The following MEGF11 variants were observed in gnomAD, a reference collection of about 807,000 sequenced individuals.
MEGF11 encodes multiple EGF like domains 11, also known as multiple epidermal growth factor-like domains protein 11.
MEGF11 carries 126 observed loss-of-function variants against 146.6 expected under a neutral mutation model. That is an observed-to-expected ratio of 0.86 (90% CI 0.74 to 1.00). MEGF11 has a LOEUF of 1.00. MEGF11 is among the 50% of genes least tolerant of loss of function. MEGF11 has a pLI of 0.00. For missense variants in MEGF11, 1,509 were observed against 1,521.2 expected, an observed-to-expected ratio of 0.99 and a Z score of 0.13; for synonymous variants, 532 against 583.4, an observed-to-expected ratio of 0.91 and a Z score of 1.27.
Position 65,922,439 on chromosome 15 carries a change from G to A in MEGF11, c.1856C>T (p.Ala619Val). The A allele has an allele frequency of 6.3e-7, 1 of 1,583,240 alleles. No individual in the cohort carries two copies. The highest frequency in any genetic ancestry group is 8.6e-7 in the Non-Finnish European group (1 of 1,165,556). Residue 619 changes from alanine (A) to valine (V), a missense_variant, in exon 15 of 26, where the codon GCC (alanine) becomes GTC (valine). Ala to Val is a moderately conservative substitution (Grantham distance 64). Coordinates refer to ENST00000395614, the MANE Select transcript of MEGF11 (RefSeq NM_001385028.1). Reference protein sequence around the residue: ...CPPGFYGHGCAQPCPLCVHSS... With the variant: ...CPPGFYGHGCVQPCPLCVHSS... ...GTGCACGCAGAGGGGGCATGGCTGG[G>A]CGCAGCCGTGGCCATAGAACCCAGG... is the stretch of plus-strand genomic sequence containing the variant.
chr15:65,914,902 C>T (rs1469127250), intron 19 of MEGF11, among the ~76,000 whole-genome samples: 1 of 152,190 alleles, frequency 6.6e-6, no homozygotes, highest in African/African-American at 2.4e-5. Context: ...ATGGGCCAGG[C>T]ACCCCGCTGA....
chr15:65,955,757 A>ATT (rs1197755725), intron 10 of MEGF11, among the ~76,000 whole-genome samples: 522 of 13,598 alleles, frequency 0.038, 29 homozygotes, highest in Admixed American at 0.079. Context: ...AAAAAAAAAA[A>ATT]AAAAATATAT....
intron 5 of MEGF11, among the ~76,000 whole-genome samples, chr15:66,025,807 C>T (rs2083310510): frequency 6.6e-6 from 1 of 152,196 alleles, no homozygotes; most frequent in Non-Finnish European, 1.5e-5. Context: ...CCAGGACCTG[C>T]TTCCCAAGCT....
At chr15:66,235,164 A>G (rs2092061777) in intron 1 of MEGF11, among the ~76,000 whole-genome samples, 1 of 152,184 alleles carries the variant, frequency 6.6e-6, no homozygotes, top group Admixed American at 6.5e-5. Flanking sequence ...GGTGCAGAGA[A>G]TCAAGTTAGG....
intron 19 of MEGF11, 61 bp from the exon 20 acceptor site, chr15:65,914,034 G>A (rs1376399655): frequency 2.9e-6 from 4 of 1,392,380 alleles, no homozygotes; most frequent in African/African-American, 1.4e-5. Context: ...GGTCTCCTGG[G>A]CCTGGGTTCA....
intron 5 of MEGF11, among the ~76,000 whole-genome samples, chr15:65,996,586 A>G (rs1466960388): frequency 6.6e-6 from 1 of 151,906 alleles, no homozygotes; most frequent in African/African-American, 2.4e-5. Flanking sequence ...CCCGGGTTCA[A>G]GTGATTCTCC....
At chr15:66,246,773 T>TG (rs1440558272) in intron 1 of MEGF11, among the ~76,000 whole-genome samples, 6 of 152,288 alleles carry the variant, frequency 3.9e-5, no homozygotes, top group Admixed American at 3.3e-4. Context: ...ATTGCACCAC[T>TG]GCACTCCAGC....
At chr15:65,980,630 C>T in intron 7 of MEGF11, 148 bp downstream of exon 7, 1 of 1,142,934 alleles carries the variant, frequency 8.7e-7, no homozygotes, top group Non-Finnish European at 1.2e-6. Flanking sequence ...AACTCCTGAC[C>T]TCAAGTGATC....
At chr15:66,019,676 G>C (rs2083033831) in intron 5 of MEGF11, among the ~76,000 whole-genome samples, 1 of 152,210 alleles carries the variant, frequency 6.6e-6, no homozygotes, top group South Asian at 2.1e-4. Context: ...TGGAGAATTG[G>C]GTTGGAATAC....
chr15:66,141,269 TGTGTGTGTGTGTGTGTGTGTGAGA>T lies in MEGF11; in HGVS notation c.-8-12882_-8-12859del, dbSNP rs1339316988. ...GTGTGTGTGTGTGTGTGTGTGTGTG[TGTGTGTGTGTGTGTGTGTGTGAGA>T]GAGAGAGAGAGAGAGACAGGGATAG... is the stretch of plus-strand genomic sequence containing the variant. On this transcript the variant is annotated intron_variant, in intron 1 of 25. Coordinates refer to ENST00000395614, the MANE Select transcript of MEGF11 (RefSeq NM_001385028.1). Among the ~76,000 whole-genome samples, 444 of 143,110 alleles carry T rather than the reference TGTGTGTGTGTGTGTGTGTGTGAGA, an allele frequency of 3.1e-3. 4 individuals are homozygous for T. Among genetic ancestry groups the T allele is most frequent in the African/African-American group, 0.01 (409 of 39,144 alleles). 93.9% of individuals were successfully genotyped at this position (143,110 alleles called of 152,430 possible). A position where few individuals can be genotyped will look rare whatever the true frequency, so the allele number is the denominator to read the frequency against.
rs376291852 is a variant in MEGF11 at position 66,123,659 on chromosome 15, C to T, written c.200+240G>A. On this transcript the variant is annotated intron_variant, in intron 3 of 25. Transcript: ENST00000395614. ...AGTTGGGGTAGTTATCCACCACCTC[C>T]CCATCTCCCCATCCCTGGTTGAGGG... Among the ~76,000 whole-genome samples the T allele has an allele frequency of 2.6e-5, 4 of 152,268 alleles. No homozygotes were observed. The South Asian group carries it at 8.3e-4, about 32-fold the overall frequency.
chr15:65,930,942 C>A lies in MEGF11; in HGVS notation c.1289G>T (p.Gly430Val). The A allele has an allele frequency of 6.3e-7, 1 of 1,579,522 alleles. No individual in the cohort carries two copies. The highest frequency in any genetic ancestry group is 8.6e-7 in the Non-Finnish European group (1 of 1,157,880). Residue 430 changes from glycine to valine, a missense_variant and splice_region_variant, in exon 11 of 26, where the codon GGA becomes GTA. Physicochemically the swap from Gly to Val is moderately radical, Grantham distance 109 (BLOSUM62 -3). Coordinates refer to ENST00000395614, the MANE Select transcript of MEGF11 (RefSeq NM_001385028.1). ...TGCACAGGAAACGGCACAGACCTCT[C>A]CCTGGAAAGGGAGGGGGTGAATTTT... ...GGCTCAPGFM[G>V]EVCAVSCAAG...
At chr15:66,059,127 C>T (rs1324090875) in intron 5 of MEGF11, among the ~76,000 whole-genome samples, 1 of 152,186 alleles carries the variant, frequency 6.6e-6, no homozygotes, top group Non-Finnish European at 1.5e-5. Context: ...GATTTGGCTC[C>T]ATTTAGAAAC....
At chr15:66,185,910 G>A (rs2090685411) in intron 1 of MEGF11, among the ~76,000 whole-genome samples, 1 of 152,236 alleles carries the variant, frequency 6.6e-6, no homozygotes. Context: ...AGGGTCTGGA[G>A]CTCCAAGCTG....
chr15:66,064,080 A>G (rs1354470300), intron 5 of MEGF11, among the ~76,000 whole-genome samples: 1 of 152,182 alleles, frequency 6.6e-6, no homozygotes, highest in East Asian at 1.9e-4. Flanking sequence ...GCAACAAAAC[A>G]AAATACTGGC....
At chr15:65,928,669 C>T (rs1300868501) in intron 12 of MEGF11, 142 bp from the exon 13 acceptor site, 9 of 505,732 alleles carry the variant, frequency 1.8e-5, no homozygotes, top group Non-Finnish European at 2.8e-5. Flanking sequence ...TGAGCCAGAA[C>T]CCCACAGAGA....
intron 5 of MEGF11, among the ~76,000 whole-genome samples, chr15:66,017,838 G>GCAGCCTGTA (rs1380507225): frequency 1.3e-5 from 2 of 152,212 alleles, no homozygotes; most frequent in Non-Finnish European, 2.9e-5. Flanking sequence ...GATTTGTCAG[G>GCAGCCTGTA]CAGCCTGTAG....
intron 5 of MEGF11, among the ~76,000 whole-genome samples, chr15:66,082,381 A>C (rs1040727585): frequency 8.1e-6 from 1 of 124,070 alleles, no homozygotes; most frequent in Non-Finnish European, 1.6e-5. Flanking sequence ...CGAGGTGAGG[A>C]GTTTGAGACC....
At position 65,895,374 on chromosome 15, in the gene MEGF11, A is replaced by AT. The variant is rs1440151498; in HGVS notation, c.*2559dup. 1.3e-5 allele frequency: 2 copies of AT among 152,646 alleles called. No homozygotes were observed. The highest frequency in any genetic ancestry group is 2.9e-5 in the Non-Finnish European group (2 of 68,026). The allele number at this position is 152,646 out of a possible 1,614,324, so 9.5% of individuals were successfully genotyped here. On this transcript the variant is annotated 3_prime_UTR_variant, in exon 26 of 26. Coordinates refer to ENST00000395614, the MANE Select transcript of MEGF11 (RefSeq NM_001385028.1). ...AGTGAACATATATTACAAATCTGTG[A>AT]TTTAAAAAAGTATTGCCGTTTCATA...
Sources: gnomAD v4.1 joint callset for allele counts (sites outside exome capture counted in the v4.1 genomes callset) on GRCh38, gnomAD v4.1.1 for gene constraint, MANE v1.5 for transcripts, NCBI Gene and HGNC (gene_info 2026-07-23, HGNC 2026-07-21) for gene names.